PCDHAC2: variants seen among roughly 807,000 people sequenced by gnomAD.
PCDHAC2 encodes the protein protocadherin alpha subfamily C, 2.
A neutral mutation model predicts 63.3 loss-of-function variants in PCDHAC2; 24 were observed. The observed-to-expected ratio is 0.38, with a 90% CI of 0.27 to 0.53. The LOEUF (loss-of-function observed/expected upper bound fraction) is 0.53. Ranked by LOEUF, PCDHAC2 falls within the 20% of genes least tolerant of loss-of-function variation. The pLI is 0.81. For missense variants in PCDHAC2, 1,181 were observed against 1,275.2 expected (o/e 0.93, Z 1.12); for synonymous variants, 569 against 529.4 (o/e 1.07, Z -1.03).
chr5:140,969,630 A>G (rs1185557414), intron 1 of PCDHAC2: 1 of 654,766 alleles, frequency 1.5e-6, no homozygotes, highest in Non-Finnish European at 2.5e-6. Flanking sequence ...GAAACAGGAC[A>G]GGCCTTGGAA....
At chr5:140,985,096 C>G (rs1486346952) in intron 3 of PCDHAC2, among the ~76,000 whole-genome samples, 1 of 152,096 alleles carries the variant, frequency 6.6e-6, no homozygotes, top group Non-Finnish European at 1.5e-5. Context: ...TGCCACCAAG[C>G]CTGGCTAATT....
Position 140,966,696 on chromosome 5 carries a change from G to A in PCDHAC2, c.-71G>A, listed in dbSNP as rs2096039255. 7.4e-7 allele frequency: 1 copy of A among 1,358,662 alleles called. No individual in the cohort carries two copies. 84.2% of individuals were successfully genotyped at this position (1,358,662 alleles called of 1,614,324 possible). On this transcript the variant is annotated 5_prime_UTR_variant, in exon 1 of 4. Coordinates refer to ENST00000289269, the MANE Select transcript of PCDHAC2 (RefSeq NM_018899.6). ...GGTGGCACGAGCGGAGGCGGGGCCCGGGCGTGGGGCACGGCTGGGGAAGCT... is the reference window on the plus strand; with the variant it reads ...GGTGGCACGAGCGGAGGCGGGGCCCAGGCGTGGGGCACGGCTGGGGAAGCT...
At chr5:140,980,555 G>A (rs1050580342) in intron 2 of PCDHAC2, among the ~76,000 whole-genome samples, 1 of 152,068 alleles carries the variant, frequency 6.6e-6, no homozygotes, top group Non-Finnish European at 1.5e-5. Flanking sequence ...GCTTGAACCC[G>A]GGAGGCGGAA....
Position 141,009,658 on chromosome 5 carries a change from C to T in PCDHAC2, c.2745C>T (p.Val915=), listed in dbSNP as rs571898721. The T allele has an allele frequency of 6.2e-6, 10 of 1,613,948 alleles. No individual in the cohort carries two copies. Among genetic ancestry groups the T allele is most frequent in the South Asian group, 4.4e-5 (4 of 91,030 alleles). The change falls in exon 4 of 4, where the codon GTC becomes GTT. Residue 915 remains valine, a synonymous_variant. Transcript: ENST00000289269. ...EPEAGEVSPP[V]GAGVNSNSWT... ...AGGCAGGAGAAGTGTCCCCTCCAGT[C>T]GGTGCGGGTGTCAACAGCAACAGCT...
intron 3 of PCDHAC2, among the ~76,000 whole-genome samples, chr5:140,991,587 C>T (rs1469333893): frequency 1.3e-5 from 2 of 152,208 alleles, no homozygotes; most frequent in African/African-American, 2.4e-5. Flanking sequence ...CTTATTTCTA[C>T]CTGAGCCCTC....
chr5:141,010,446 C>T lies in PCDHAC2; in HGVS notation c.*509C>T. The T allele has an allele frequency of 1.1e-6, 1 of 944,708 alleles. No homozygotes were observed. The highest frequency in any genetic ancestry group is 1.5e-6 in the Non-Finnish European group (1 of 656,274). 58.5% of individuals were successfully genotyped at this position (944,708 alleles called of 1,614,324 possible). ...AGGCAAGAAAACAAAGACAAATAAACAGCGGAAGTTATCAGTATGGAGGGG... is the reference window on the plus strand; with the variant it reads ...AGGCAAGAAAACAAAGACAAATAAATAGCGGAAGTTATCAGTATGGAGGGG... On this transcript the variant is annotated 3_prime_UTR_variant, in exon 4 of 4. Coordinates refer to ENST00000289269, the MANE Select transcript of PCDHAC2 (RefSeq NM_018899.6).
intron 3 of PCDHAC2, among the ~76,000 whole-genome samples, chr5:140,990,421 G>A (rs374181612): frequency 2.6e-5 from 4 of 152,190 alleles, no homozygotes; most frequent in Non-Finnish European, 5.9e-5. Flanking sequence ...CTTTCAACCA[G>A]CATTGACCCA....
intron 3 of PCDHAC2, among the ~76,000 whole-genome samples, chr5:140,996,757 G>A (rs2097743678): frequency 6.6e-6 from 1 of 152,014 alleles, no homozygotes; most frequent in South Asian, 2.1e-4. Context: ...TATCTGTGCA[G>A]GACTAAAATA....
At chr5:141,006,689 G>C (rs1249412460) in intron 3 of PCDHAC2, among the ~76,000 whole-genome samples, 3 of 152,072 alleles carry the variant, frequency 2.0e-5, no homozygotes, top group African/African-American at 7.2e-5. Flanking sequence ...TGGGAGAAGA[G>C]GACAGAGTCA....
intron 3 of PCDHAC2, among the ~76,000 whole-genome samples, chr5:141,007,395 C>CAAAAAAAAA (rs35800918): frequency 8.4e-5 from 8 of 94,856 alleles, no homozygotes; most frequent in East Asian, 2.9e-4. Context: ...TACTAAAATA[C>CAAAAAAAAA]AAAAAAAAAA....
rs1554262618 is a variant in PCDHAC2, at chr5:141,009,958, C to T, written c.*21C>T. On this transcript the variant is annotated 3_prime_UTR_variant, in exon 4 of 4. Transcript: ENST00000289269. The stretch of plus-strand genomic sequence containing the variant: ...AGTGAGGTCCTCAAATGGAAACAAG[C>T]CACTTAGCCAGTTTTTGTAATAATG... 1.3e-6 allele frequency: 2 copies of T among 1,589,012 alleles called. No homozygotes were observed. The highest frequency in any genetic ancestry group is 1.7e-6 in the Non-Finnish European group (2 of 1,171,000).
In PCDHAC2 at chr5:140,982,557, A is replaced by G. The variant is rs199851685; in HGVS notation, c.2707A>G (p.Thr903Ala). 6.2e-7 allele frequency: 1 copy of G among 1,614,138 alleles called. No homozygotes were observed. The highest frequency in any genetic ancestry group is 1.7e-5 in the Admixed American group (1 of 60,030). The change falls in exon 3 of 4, where the codon ACA becomes GCA. Residue 903 changes from threonine (T) to alanine (A), a missense_variant. Physicochemically the swap from Thr to Ala is moderately conservative, Grantham distance 58. Transcript: ENST00000289269. ...GCAGTGGCCAACAGTATCCAGTGCAACACCAGGTAAAGAGCTGGGGTCTCT... is the reference window on the plus strand; with the variant it reads ...GCAGTGGCCAACAGTATCCAGTGCAGCACCAGGTAAAGAGCTGGGGTCTCT... Reference protein sequence around the residue: ...DQQWPTVSSATPEPEAGEVSP... With the variant: ...DQQWPTVSSAAPEPEAGEVSP...
chr5:140,967,626 G>T lies in PCDHAC2; in HGVS notation c.860G>T (p.Gly287Val). The T allele has an allele frequency of 1.2e-6, 2 of 1,614,138 alleles. No homozygotes were observed. The highest frequency in any genetic ancestry group is 1.7e-6 in the Non-Finnish European group (2 of 1,180,028). ...CTGAATGCCTCAGACCCGGATGAGG[G>T]CTCCAATGGTGAGCTCAGGTACTCC... ...VKLNASDPDEGSNGELRYSLS... is the reference protein window; with the variant it reads ...VKLNASDPDEVSNGELRYSLS... Residue 287 changes from glycine to valine, a missense_variant, in exon 1 of 4, where the codon GGC becomes GTC. This residue lies in a region of PCDHAC2 where 968 missense variants were observed against 1,073.5 expected (regional missense o/e 0.90). Transcript: ENST00000289269.
intron 3 of PCDHAC2, among the ~76,000 whole-genome samples, chr5:141,000,414 TA>T (rs1441995674): frequency 2.8e-4 from 28 of 99,544 alleles, no homozygotes; most frequent in African/African-American, 3.7e-4. Flanking sequence ...TATATATATA[TA>T]TATATATTTT....
At chr5:141,001,122 TAAAC>T (rs1274933487) in intron 3 of PCDHAC2, among the ~76,000 whole-genome samples, 1 of 152,154 alleles carries the variant, frequency 6.6e-6, no homozygotes, top group African/African-American at 2.4e-5. Flanking sequence ...CAATAGTCCT[TAAAC>T]AAATGAATCT....
At position 140,970,091 on chromosome 5, in the gene PCDHAC2, G is replaced by A. The variant is rs542039822; in HGVS notation, c.2565+760G>A. ...AATGAGTGGATTAGGGGTGTGGGGG[G>A]ATGGTGAAGACCAAGAGAAGCTGGG... On this transcript the variant is annotated intron_variant, in intron 1 of 3. Coordinates refer to ENST00000289269, the MANE Select transcript of PCDHAC2 (RefSeq NM_018899.6). 3.9e-4 allele frequency among the ~76,000 whole-genome samples: 59 copies of A among 152,258 alleles called. 1 individual carries two copies. Among genetic ancestry groups the A allele is most frequent in the Admixed American group, 1.1e-3 (17 of 15,292 alleles).
chr5:141,001,359 T>C (rs186629026), intron 3 of PCDHAC2, among the ~76,000 whole-genome samples: 4 of 152,344 alleles, frequency 2.6e-5, no homozygotes, highest in Admixed American at 1.3e-4. Context: ...GGTTTAAGCC[T>C]ACTATTCTGA....
chr5:140,967,112 C>G lies in PCDHAC2; in HGVS notation c.346C>G (p.Arg116Gly). 1 of 1,612,994 alleles carries G rather than the reference C, an allele frequency of 6.2e-7. No individual in the cohort carries two copies. Among genetic ancestry groups the G allele is most frequent in the Non-Finnish European group, 8.5e-7 (1 of 1,179,508 alleles). Residue 116 changes from arginine to glycine, a missense_variant, in exon 1 of 4, where the codon CGC becomes GGC. Physicochemically the swap from Arg to Gly is moderately radical, Grantham distance 125 (BLOSUM62 -2). Transcript: ENST00000289269. Reference sequence around the variant, plus strand: ...GGAGGCGCTGTGTGAGCAGCGGCCTCGCTGCCTGCTCAGCTTGGAAGTGCT... The same window carrying G: ...GGAGGCGCTGTGTGAGCAGCGGCCTGGCTGCCTGCTCAGCTTGGAAGTGCT... ...DREALCEQRP[R>G]CLLSLEVLAH...
chr5:141,000,912 A>G (rs1434885581), intron 3 of PCDHAC2, among the ~76,000 whole-genome samples: 1 of 152,194 alleles, frequency 6.6e-6, no homozygotes, highest in East Asian at 1.9e-4. Context: ...TGTCTCTAAA[A>G]AAAAAAATCC....
Sources: gnomAD v4.1 joint callset for allele counts (sites outside exome capture counted in the v4.1 genomes callset) on GRCh38, gnomAD v4.1.1 for gene constraint, gnomAD v4.1.1 regional missense constraint, MANE v1.5 for transcripts, NCBI Gene and HGNC (gene_info 2026-07-23, HGNC 2026-07-21) for gene names.